TLR5: variants seen among roughly 807,000 people sequenced by gnomAD.
The protein encoded by TLR5 is toll like receptor 5, also known as toll-like receptor 5.
For missense variants in TLR5, 944 were observed against 999.8 expected (o/e 0.94, Z 0.75); for synonymous variants, 373 against 384.4 (o/e 0.97, Z 0.35).
chr1:223,121,616 T>C (rs2102896928), intron 5 of TLR5, among the ~76,000 whole-genome samples: 1 of 152,364 alleles, frequency 6.6e-6, no homozygotes, highest in African/African-American at 2.4e-5. Context: ...TTTCCTGGGC[T>C]CAAGTGATCC....
intron 5 of TLR5, among the ~76,000 whole-genome samples, 193 bp downstream of exon 5, chr1:223,132,282 A>C (rs531482688): frequency 6.6e-6 from 1 of 152,282 alleles, no homozygotes; most frequent in Admixed American, 6.5e-5. Flanking sequence ...AGGATCATTA[A>C]GCCTAAGAGT....
At chr1:223,116,156 T>TA (rs769838200) in intron 5 of TLR5, among the ~76,000 whole-genome samples, 25 of 152,232 alleles carry the variant, frequency 1.6e-4, no homozygotes, top group Non-Finnish European at 3.2e-4. Context: ...TATTTGCTTA[T>TA]TTATCATACT....
chr1:223,116,535 G>A lies in TLR5; in HGVS notation c.-4-3500C>T, dbSNP rs189022855. Reference sequence around the variant, plus strand: ...GTAGTGCAGACCCAAAGAGCGAGCGGCAGCAAGATTTACTGCAAAGAGCAA... The same window carrying A: ...GTAGTGCAGACCCAAAGAGCGAGCGACAGCAAGATTTACTGCAAAGAGCAA... On this transcript the variant is annotated intron_variant, in intron 5 of 5. Coordinates refer to ENST00000642603, the MANE Select transcript of TLR5 (RefSeq NM_003268.6). Among the ~76,000 whole-genome samples, 33 of 152,296 alleles carry A rather than the reference G, an allele frequency of 2.2e-4. No homozygotes were observed. The East Asian group carries it at 5.6e-3, about 26-fold the overall frequency.
rs1296146816 is a variant in TLR5 at position 223,112,720 on chromosome 1, A to G, written c.312T>C (p.Ser104=). 3 of 1,614,232 alleles carry G rather than the reference A, an allele frequency of 1.9e-6. No individual in the cohort carries two copies. Among genetic ancestry groups the G allele is most frequent in the Non-Finnish European group, 2.5e-6 (3 of 1,180,036 alleles). ...CTGGATGCAAGAAGTATATCTTACT[A>G]CTTCCCAGGTCCAAGATTCTAAGGT... is the stretch of plus-strand genomic sequence containing the variant. ...LPNLRILDLG[S]SKIYFLHPDA... Residue 104 remains serine, a synonymous_variant, in exon 6 of 6, where the codon AGT becomes AGC. Coordinates refer to ENST00000642603, the MANE Select transcript of TLR5 (RefSeq NM_003268.6).
In TLR5 at chr1:223,110,889, G is replaced by A; in HGVS notation, c.2143C>T (p.Leu715=). The change falls in exon 6 of 6, where the codon CTG becomes TTG. Residue 715 remains leucine (L), a synonymous_variant. Coordinates refer to ENST00000642603, the MANE Select transcript of TLR5 (RefSeq NM_003268.6). The part of the protein sequence containing the change: ...TWVQNALLKH[L]DTQYSDQNRF... ...TTTTGGTCACTGTATTGAGTGTCCA[G>A]GTGTTTGAGCAAAGCATTCTGCACC... The A allele has an allele frequency of 1.9e-6, 3 of 1,614,238 alleles. No homozygotes were observed. The highest frequency in any genetic ancestry group is 1.1e-5 in the South Asian group (1 of 91,086).
intron 2 of TLR5, among the ~76,000 whole-genome samples, chr1:223,139,943 T>C (rs576767840): frequency 6.6e-6 from 1 of 152,358 alleles, no homozygotes; most frequent in East Asian, 1.9e-4. Context: ...ACGCCTCTTA[T>C]GTGCCAGACA....
chr1:223,116,904 G>C (rs369411258), intron 5 of TLR5, among the ~76,000 whole-genome samples: 1 of 152,244 alleles, frequency 6.6e-6, no homozygotes, highest in South Asian at 2.1e-4. Context: ...GCTTTGCCTA[G>C]TGGATCCCGC....
chr1:223,112,413 TA>T lies in TLR5; in HGVS notation c.618del (p.Asn206LysfsTer15). On this transcript the variant is annotated frameshift_variant, in exon 6 of 6. Coordinates refer to ENST00000642603, the MANE Select transcript of TLR5 (RefSeq NM_003268.6). LOFTEE classifies it low-confidence loss of function (END_TRUNC). ...KTLSFFSLAA[N>X]SLYSRVSVDW... ...TCCACTGAGACTCTGCTATACAAGC[TA>T]TTAGCTGCGAGGCTAAAAAAGGAGA... 1 of 1,614,252 alleles carries T rather than the reference TA, an allele frequency of 6.2e-7. No homozygotes were observed. The highest frequency in any genetic ancestry group is 8.5e-7 in the Non-Finnish European group (1 of 1,180,046).
chr1:223,119,827 G>A (rs1464628213), intron 5 of TLR5, among the ~76,000 whole-genome samples: 2 of 150,912 alleles, frequency 1.3e-5, no homozygotes, highest in African/African-American at 4.9e-5. Context: ...CGGGCGGGGT[G>A]GTGGCATCTG....
In TLR5 at chr1:223,131,140, C is replaced by T. The variant is rs1049018495; in HGVS notation, c.-5+1335G>A. On this transcript the variant is annotated intron_variant, in intron 5 of 5. Transcript: ENST00000642603. This position sits in a 1 kb window ranked among gnomAD's most constrained non-coding sequence, Gnocchi z 4.2. ...CTCACTTACTATCTGAGGGGGCTTC[C>T]TAGGGCATGACTCTGATTAGAAGTC... 2.6e-5 allele frequency among the ~76,000 whole-genome samples: 4 copies of T among 152,144 alleles called. No individual in the cohort carries two copies. Among genetic ancestry groups the T allele is most frequent in the African/African-American group, 7.2e-5 (3 of 41,438 alleles).
chr1:223,111,532 T>G lies in TLR5; in HGVS notation c.1500A>C (p.Gly500=), dbSNP rs771643998. Residue 500 remains glycine, a synonymous_variant, in exon 6 of 6, where the codon GGA becomes GGC. Transcript: ENST00000642603. The stretch of plus-strand genomic sequence containing the variant: ...AATACAGAACTTGAAGATGAGAAAG[T>G]CCCTCAAAAACATCCCAACAGAGCT... The part of the protein sequence containing the change: ...ETELCWDVFE[G]LSHLQVLYLN... 6.8e-6 allele frequency: 11 copies of G among 1,613,964 alleles called. No individual in the cohort carries two copies. The highest frequency in any genetic ancestry group is 8.5e-7 in the Non-Finnish European group (1 of 1,180,036).
chr1:223,121,497 G>A (rs1311427625), intron 5 of TLR5, among the ~76,000 whole-genome samples: 1 of 152,166 alleles, frequency 6.6e-6, no homozygotes, highest in Non-Finnish European at 1.5e-5. Context: ...CGAATCCTAT[G>A]TATTCTTTCC....
rs1264358299 is a variant in TLR5 at position 223,110,453 on chromosome 1, G to A, written c.*2C>T. ...GAGATAAGTTGGAAATTGCTCCTTTGATTAGGAGATGGTTGCTACAGTTTG... is the reference window on the plus strand; with the variant it reads ...GAGATAAGTTGGAAATTGCTCCTTTAATTAGGAGATGGTTGCTACAGTTTG... On this transcript the variant is annotated 3_prime_UTR_variant, in exon 6 of 6. Coordinates refer to ENST00000642603, the MANE Select transcript of TLR5 (RefSeq NM_003268.6). The A allele has an allele frequency of 6.2e-7, 1 of 1,613,790 alleles. No individual in the cohort carries two copies. Among genetic ancestry groups the A allele is most frequent in the Admixed American group, 1.7e-5 (1 of 60,016 alleles).
At position 223,111,317 on chromosome 1, in the gene TLR5, CT is replaced by C. The variant is rs1171590043; in HGVS notation, c.1714del (p.Ser572ValfsTer5). 1 of 1,614,040 alleles carries C rather than the reference CT, an allele frequency of 6.2e-7. No individual in the cohort carries two copies. Among genetic ancestry groups the C allele is most frequent in the Non-Finnish European group, 8.5e-7 (1 of 1,180,048 alleles). On this transcript the variant is annotated frameshift_variant, in exon 6 of 6. Coordinates refer to ENST00000642603, the MANE Select transcript of TLR5 (RefSeq NM_003268.6). LOFTEE classifies it low-confidence loss of function (END_TRUNC). The stretch of plus-strand genomic sequence containing the variant: ...CTTGTTATGAGTTATATCCAAGACA[CT>C]AAGTGATACAAATACATCAGGATTA... ...APNPDVFVSL[S>X]VLDITHNKFI...
intron 2 of TLR5, among the ~76,000 whole-genome samples, chr1:223,139,734 C>T (rs571162014): frequency 2.0e-5 from 3 of 152,098 alleles, no homozygotes; most frequent in African/African-American, 7.2e-5. Context: ...ATAGTGAAGG[C>T]AATAGGGGGT....
In TLR5 at chr1:223,111,581, A is replaced by T. The variant is rs781569117; in HGVS notation, c.1451T>A (p.Met484Lys). The T allele has an allele frequency of 5.6e-6, 9 of 1,614,044 alleles. No homozygotes were observed. The Admixed American group carries it at 1.0e-4, about 18-fold the overall frequency. Reference sequence around the variant, plus strand: ...CTCAGTTTCCCAGGCAAGTTGCAACATATTTTCTCCAAGGAAAAGCTGTTC... The same window carrying T: ...CTCAGTTTCCCAGGCAAGTTGCAACTTATTTTCTCCAAGGAAAAGCTGTTC... ...SLEQLFLGEN[M>K]LQLAWETELC... The change falls in exon 6 of 6, where the codon ATG (methionine) becomes AAG (lysine). Residue 484 changes from methionine to lysine, a missense_variant. By Grantham distance (95) the Met-to-Lys change is moderately conservative (BLOSUM62 -1). Coordinates refer to ENST00000642603, the MANE Select transcript of TLR5 (RefSeq NM_003268.6).
intron 5 of TLR5, among the ~76,000 whole-genome samples, chr1:223,114,595 G>C (rs745570298): frequency 9.2e-5 from 14 of 152,228 alleles, no homozygotes; most frequent in Non-Finnish European, 1.9e-4. Flanking sequence ...GGCTAGCTCT[G>C]ACGAGGTTGT....
intron 3 of TLR5, among the ~76,000 whole-genome samples, chr1:223,136,869 C>T (rs968249100): frequency 1.3e-4 from 19 of 151,948 alleles, no homozygotes; most frequent in African/African-American, 4.4e-4. Flanking sequence ...ACTCTGTCAC[C>T]CAGGCTAGAG....
At position 223,112,987 on chromosome 1, in the gene TLR5, G is replaced by A. The variant is rs763828037; in HGVS notation, c.45C>T (p.Ala15=). The change falls in exon 6 of 6, where the codon GCC becomes GCT. Residue 15 remains alanine (A), a synonymous_variant. Coordinates refer to ENST00000642603, the MANE Select transcript of TLR5 (RefSeq NM_003268.6). ...LDLLLGVVLM[A]GPVFGIPSCS... The stretch of plus-strand genomic sequence containing the variant: ...AGGAAGGAATTCCAAACACAGGACC[G>A]GCCATGAGCACCACTCCTAGGAGAA... 22 of 1,614,022 alleles carry A rather than the reference G, an allele frequency of 1.4e-5. No individual in the cohort carries two copies. The Middle Eastern group carries it at 4.9e-4, about 36-fold the overall frequency.
Sources: allele counts gnomAD v4.1 joint callset (sites outside exome capture counted in the v4.1 genomes callset), GRCh38; gene constraint gnomAD v4.1.1; non-coding constraint Gnocchi (gnomAD v3.1); transcripts MANE v1.5; gene names NCBI Gene and HGNC (gene_info 2026-07-23, HGNC 2026-07-21).